The following MVB12B variants were observed in gnomAD, a reference collection of about 807,000 sequenced individuals.
The protein encoded by MVB12B is ESCRT-I complex subunit MVB12B.
MVB12B carries 16 observed loss-of-function variants against 41.6 expected under a neutral mutation model. The ratio of observed to expected loss-of-function variants is 0.38; its 90% confidence interval spans 0.26 to 0.58. MVB12B has a LOEUF of 0.58. Among genes scored for constraint, MVB12B ranks in the 20% least tolerant of loss-of-function variants. MVB12B has a pLI of 0.62. For synonymous variants in MVB12B, 133 were observed against 139.7 expected (o/e 0.95, Z 0.34); for missense variants, 274 against 380.2 (o/e 0.72, Z 2.32).
At chr9:126,440,394 C>T (rs570358518) in intron 7 of MVB12B, among the ~76,000 whole-genome samples, 1 of 152,310 alleles carries the variant, frequency 6.6e-6, no homozygotes, top group African/African-American at 2.4e-5. Flanking sequence ...GAAGCATCTG[C>T]CAGGTAAGGT....
chr9:126,378,198 G>A (rs1013014707), intron 2 of MVB12B, among the ~76,000 whole-genome samples: 13 of 152,238 alleles, frequency 8.5e-5, no homozygotes, highest in Admixed American at 2.0e-4. Context: ...CTGCAGTGCC[G>A]CCAGGTGGGC....
intron 6 of MVB12B, among the ~76,000 whole-genome samples, chr9:126,410,469 T>C (rs1181583698): frequency 2.6e-5 from 4 of 152,220 alleles, no homozygotes; most frequent in Non-Finnish European, 5.9e-5. Context: ...TATAGGGTAC[T>C]ACTTCCCTTG....
chr9:126,497,363 G>A (rs777561993), intron 9 of MVB12B, among the ~76,000 whole-genome samples: 18 of 152,144 alleles, frequency 1.2e-4, no homozygotes, highest in Non-Finnish European at 1.9e-4. Flanking sequence ...TTCCTAAAGG[G>A]TCTGCGGGAG....
intron 7 of MVB12B, among the ~76,000 whole-genome samples, chr9:126,467,193 G>T (rs997154943): frequency 6.6e-6 from 1 of 152,172 alleles, no homozygotes; most frequent in East Asian, 1.9e-4. Context: ...GGGCTGTAAC[G>T]TGAGGACTCC....
chr9:126,472,378 G>C (rs1346712341), intron 7 of MVB12B, among the ~76,000 whole-genome samples: 1 of 150,704 alleles, frequency 6.6e-6, no homozygotes, highest in Admixed American at 6.6e-5. Flanking sequence ...GTGCAAGCAG[G>C]AATCCAATTT....
intron 1 of MVB12B, among the ~76,000 whole-genome samples, chr9:126,337,102 G>A (rs912411824): frequency 3.9e-5 from 6 of 152,156 alleles, no homozygotes; most frequent in African/African-American, 1.4e-4. Context: ...GGTCAGCTTT[G>A]GGGGTTCCCT....
chr9:126,371,668 A>G (rs1238521809), intron 2 of MVB12B, among the ~76,000 whole-genome samples: 3 of 152,264 alleles, frequency 2.0e-5, no homozygotes, highest in African/African-American at 4.8e-5. Context: ...CATTCTTTTC[A>G]TGGTTCAATG....
chr9:126,393,730 C>T (rs1413180798), intron 5 of MVB12B, among the ~76,000 whole-genome samples: 2 of 152,222 alleles, frequency 1.3e-5, no homozygotes, highest in African/African-American at 2.4e-5. Flanking sequence ...GCACTTTACT[C>T]GGTGTGGCAG....
chr9:126,482,712 T>C (rs1833550670), intron 8 of MVB12B, among the ~76,000 whole-genome samples: 1 of 152,166 alleles, frequency 6.6e-6, no homozygotes, highest in Non-Finnish European at 1.5e-5. Context: ...CACTGTTCCG[T>C]GGCTACCGGC....
rs144461923 is a variant in MVB12B, at chr9:126,381,593, C to T, written c.312+422C>T. Among the ~76,000 whole-genome samples, 122 of 152,162 alleles carry T rather than the reference C, an allele frequency of 8.0e-4. 3 individuals carry two copies. The East Asian group carries it at 0.023, about 28-fold the overall frequency. On this transcript the variant is annotated intron_variant, in intron 3 of 9. Transcript: ENST00000361171. ...CCTTGCTTCCACAGTGACGTTTCCT[C>T]GCTCTTTGAGTCTCTGTGTGACATA... is the stretch of plus-strand genomic sequence containing the variant.
intron 6 of MVB12B, among the ~76,000 whole-genome samples, chr9:126,411,344 C>T (rs189641284): frequency 2.7e-4 from 41 of 152,200 alleles, no homozygotes; most frequent in Admixed American, 6.5e-5. Flanking sequence ...GGAAGATACA[C>T]GTTTCATTTG....
At chr9:126,369,794 T>C (rs1239919438) in intron 2 of MVB12B, among the ~76,000 whole-genome samples, 1 of 151,998 alleles carries the variant, frequency 6.6e-6, no homozygotes, top group African/African-American at 2.4e-5. Flanking sequence ...GCTGGGATTA[T>C]AGGCATGTGC....
chr9:126,399,508 G>A (rs1831209728), intron 6 of MVB12B, among the ~76,000 whole-genome samples: 1 of 152,202 alleles, frequency 6.6e-6, no homozygotes, highest in Admixed American at 6.5e-5. Context: ...TCTGGGGCAG[G>A]GGGCCAAGAG....
intron 6 of MVB12B, among the ~76,000 whole-genome samples, chr9:126,409,299 CTG>C (rs61211126): frequency 0.087 from 12,026 of 137,860 alleles, 723 homozygotes; most frequent in African/African-American, 0.16. Flanking sequence ...GTGAGTAACT[CTG>C]TGTGTGTGTG....
At chr9:126,366,891 G>A (rs901450459) in intron 2 of MVB12B, among the ~76,000 whole-genome samples, 2 of 152,158 alleles carry the variant, frequency 1.3e-5, no homozygotes, top group East Asian at 1.9e-4. Flanking sequence ...CCCACAAATC[G>A]TGACCGGCTG....
chr9:126,413,849 T>TGCGCGC (rs1554776186), intron 6 of MVB12B, among the ~76,000 whole-genome samples: 2 of 148,628 alleles, frequency 1.3e-5, no homozygotes, highest in African/African-American at 5.0e-5. Flanking sequence ...TGTGTGTGTG[T>TGCGCGC]GTGTATAAGG....
intron 1 of MVB12B, among the ~76,000 whole-genome samples, chr9:126,339,240 C>T (rs1045982626): frequency 2.6e-5 from 4 of 152,276 alleles, no homozygotes; most frequent in Admixed American, 6.5e-5. Context: ...TTTTTAATGG[C>T]CTCTGCCTTT....
rs1358970861 is a variant in MVB12B at position 126,486,031 on chromosome 9, T to C, written c.873+1999T>C. ...CAGCTAGCAGAAGCCGGCTGCATTA[T>C]TGAAAGATGGCTGAAATCAAGCAAA... On this transcript the variant is annotated intron_variant, in intron 9 of 9. Transcript: ENST00000361171. The surrounding 1 kb of genome is among the most constrained non-coding windows in gnomAD (Gnocchi z 4.7). Among the ~76,000 whole-genome samples, 8 of 152,278 alleles carry C rather than the reference T, an allele frequency of 5.3e-5. No individual in the cohort carries two copies. Among genetic ancestry groups the C allele is most frequent in the Non-Finnish European group, 1.0e-4 (7 of 68,030 alleles).
intron 3 of MVB12B, among the ~76,000 whole-genome samples, chr9:126,384,507 A>G (rs1049059157): frequency 1.3e-5 from 2 of 152,142 alleles, no homozygotes; most frequent in Non-Finnish European, 1.5e-5. Context: ...ACATCTCAGC[A>G]AACTCAACTT....
Sources: gnomAD v4.1 joint callset for allele counts (sites outside exome capture counted in the v4.1 genomes callset) on GRCh38, gnomAD v4.1.1 for gene constraint, Gnocchi (gnomAD v3.1) non-coding constraint, MANE v1.5 for transcripts, NCBI Gene and HGNC (gene_info 2026-07-23, HGNC 2026-07-21) for gene names.